TOX: variants seen among roughly 807,000 people sequenced by gnomAD.
TOX encodes thymocyte selection associated high mobility group box.
A neutral mutation model predicts 53.7 loss-of-function variants in TOX; 11 were observed. That is an observed-to-expected ratio of 0.20 (90% CI 0.13 to 0.34). The LOEUF (loss-of-function observed/expected upper bound fraction) is 0.34, where lower values mean the gene tolerates loss of function less well. Ranked by LOEUF, TOX falls within the 10% of genes least tolerant of loss-of-function variation. The pLI is 1.00. For synonymous variants in TOX, 225 were observed against 245.3 expected (o/e 0.92, Z 0.77); for missense variants, 570 against 664.6 (o/e 0.86, Z 1.56).
intron 1 of TOX, among the ~76,000 whole-genome samples, chr8:59,049,689 A>G (rs564062691): frequency 3.9e-5 from 6 of 152,292 alleles, no homozygotes; most frequent in African/African-American, 1.4e-4. Context: ...AAAGATTTCA[A>G]TAGGATTTTA....
chr8:59,007,252 C>A (rs1813808164), intron 1 of TOX, among the ~76,000 whole-genome samples: 1 of 151,178 alleles, frequency 6.6e-6, no homozygotes. Context: ...TGCAAACTTT[C>A]TTTTTACTAT....
chr8:59,013,413 C>CTT (rs35734986), intron 1 of TOX, among the ~76,000 whole-genome samples: 2,879 of 146,152 alleles, frequency 0.02, 92 homozygotes, highest in African/African-American at 0.063. Flanking sequence ...TCAGATAGGC[C>CTT]TTTTTTTTTT....
At chr8:59,001,969 CTTTTT>C (rs1182278313) in intron 1 of TOX, among the ~76,000 whole-genome samples, 1 of 114,634 alleles carries the variant, frequency 8.7e-6, no homozygotes, top group Admixed American at 9.3e-5. Flanking sequence ...TACAGAAGTA[CTTTTT>C]TTTTTTTTTT....
chr8:58,807,915 C>T, intron 8 of TOX, 132 bp from the exon 9 acceptor site: 1 of 1,322,648 alleles, frequency 7.6e-7, no homozygotes, highest in Non-Finnish European at 1.1e-6. Context: ...ATTAGTTAAC[C>T]TACATCTGAA....
intron 1 of TOX, among the ~76,000 whole-genome samples, chr8:59,068,550 A>G (rs1415732851): frequency 6.6e-6 from 1 of 152,280 alleles, no homozygotes; most frequent in East Asian, 1.9e-4. Context: ...TAAAAAGAAA[A>G]CTAAACTTTT....
chr8:58,981,609 A>G (rs1297396121), intron 1 of TOX, among the ~76,000 whole-genome samples: 1 of 152,034 alleles, frequency 6.6e-6, no homozygotes, highest in East Asian at 1.9e-4. Flanking sequence ...TTGAGTTTCC[A>G]TCACATTTTC....
At chr8:58,884,217 A>G (rs1585879193) in intron 3 of TOX, among the ~76,000 whole-genome samples, 2 of 152,312 alleles carry the variant, frequency 1.3e-5, no homozygotes, top group African/African-American at 4.8e-5. Flanking sequence ...TTGAAGCTTT[A>G]AGCTTTGAAA....
chr8:59,057,572 T>C (rs902858105), intron 1 of TOX, among the ~76,000 whole-genome samples: 1 of 152,222 alleles, frequency 6.6e-6, no homozygotes, highest in African/African-American at 2.4e-5. Flanking sequence ...CCAGATTTCA[T>C]GCTTGTAACT....
intron 3 of TOX, among the ~76,000 whole-genome samples, chr8:58,929,232 G>C (rs574574020): frequency 1.3e-5 from 2 of 151,992 alleles, no homozygotes; most frequent in Admixed American, 6.5e-5. Context: ...AAGAAAAAAA[G>C]ACACGCTCTC....
intron 6 of TOX, among the ~76,000 whole-genome samples, chr8:58,817,493 G>T (rs1259553740): frequency 1.3e-5 from 2 of 151,982 alleles, no homozygotes; most frequent in African/African-American, 4.8e-5. Flanking sequence ...AGGTCAAATG[G>T]GTTAATCGAG....
intron 4 of TOX, among the ~76,000 whole-genome samples, chr8:58,848,148 TTAAAG>T: frequency 6.6e-6 from 1 of 152,106 alleles, no homozygotes; most frequent in African/African-American, 2.4e-5. Flanking sequence ...GTGTATGTAG[TTAAAG>T]TAATCTAAGA....
At chr8:58,987,004 C>T (rs116434709) in intron 1 of TOX, among the ~76,000 whole-genome samples, 70 of 152,304 alleles carry the variant, frequency 4.6e-4, no homozygotes, top group African/African-American at 1.6e-3. Flanking sequence ...AATTTCATTA[C>T]CTTCTTTAAG....
chr8:59,035,749 A>G (rs1434780083), intron 1 of TOX, among the ~76,000 whole-genome samples: 1 of 152,244 alleles, frequency 6.6e-6, no homozygotes, highest in South Asian at 2.1e-4. Context: ...TTCTTTTTAG[A>G]TCAGTGATCA....
Position 58,877,277 on chromosome 8 carries a change from A to G in TOX, c.412-25472T>C, listed in dbSNP as rs143541452. Among the ~76,000 whole-genome samples the G allele has an allele frequency of 2.1e-3, 321 of 152,346 alleles. 2 individuals are homozygous for G. The highest frequency in any genetic ancestry group is 7.4e-3 in the African/African-American group (307 of 41,586). ...CGTATGATTTTTAAGTGATTTTCCTATAAACATGAAAGTCTTCATTTGGTT... is the reference window on the plus strand; with the variant it reads ...CGTATGATTTTTAAGTGATTTTCCTGTAAACATGAAAGTCTTCATTTGGTT... On this transcript the variant is annotated intron_variant, in intron 3 of 8. Transcript: ENST00000361421.
chr8:59,005,797 G>C (rs2129418419), intron 1 of TOX, among the ~76,000 whole-genome samples: 1 of 152,340 alleles, frequency 6.6e-6, no homozygotes, highest in Admixed American at 6.5e-5. Context: ...CAGTGAAGCT[G>C]AAAGCCTAGT....
At chr8:58,850,040 C>T (rs1480738303) in intron 4 of TOX, among the ~76,000 whole-genome samples, 1 of 152,100 alleles carries the variant, frequency 6.6e-6, no homozygotes, top group African/African-American at 2.4e-5. Flanking sequence ...TTTCAGCAAC[C>T]CAGTCAATTA....
intron 1 of TOX, among the ~76,000 whole-genome samples, chr8:58,976,732 GA>G (rs1342774591): frequency 1.3e-5 from 2 of 152,230 alleles, no homozygotes; most frequent in Non-Finnish European, 2.9e-5. Flanking sequence ...ATGGGTTGCA[GA>G]ATGGATGTTA....
chr8:59,054,332 G>A (rs1359721744), intron 1 of TOX, among the ~76,000 whole-genome samples: 1 of 152,108 alleles, frequency 6.6e-6, no homozygotes, highest in African/African-American at 2.4e-5. Context: ...GCAGAAAGAA[G>A]GCAAGAAAAC....
intron 3 of TOX, among the ~76,000 whole-genome samples, chr8:58,898,452 T>C (rs1448512533): frequency 8.3e-6 from 1 of 120,410 alleles, no homozygotes; most frequent in Non-Finnish European, 1.8e-5. Flanking sequence ...AAGCAAAATT[T>C]GTTCTACAAA....
Sources: gnomAD v4.1 joint callset for allele counts (sites outside exome capture counted in the v4.1 genomes callset) on GRCh38, gnomAD v4.1.1 for gene constraint, MANE v1.5 for transcripts, NCBI Gene and HGNC (gene_info 2026-07-23, HGNC 2026-07-21) for gene names.